ARHGAP44: variants seen among roughly 807,000 people sequenced by gnomAD.
ARHGAP44 encodes the protein rho GTPase-activating protein 44.
ARHGAP44 carries 43 observed loss-of-function variants against 106.8 expected under a neutral mutation model. The observed-to-expected ratio is 0.40, with a 90% CI of 0.32 to 0.52. The LOEUF is 0.52. Ranked by LOEUF, ARHGAP44 falls within the 20% of genes least tolerant of loss-of-function variation. The pLI is 0.48. For synonymous variants in ARHGAP44, 439 were observed against 410.3 expected (o/e 1.07, Z -0.85); for missense variants, 866 against 1,050.5 (o/e 0.82, Z 2.43).
intron 1 of ARHGAP44, among the ~76,000 whole-genome samples, chr17:12,797,595 C>T (rs1000708999): frequency 2.0e-5 from 3 of 152,116 alleles, no homozygotes; most frequent in Non-Finnish European, 4.4e-5. Context: ...CTTCTCAGCT[C>T]AGCTTCAACC....
chr17:12,976,599 C>A (rs3785714), intron 18 of ARHGAP44, among the ~76,000 whole-genome samples: 3 of 138,134 alleles, frequency 2.2e-5, no homozygotes, highest in African/African-American at 8.4e-5. Flanking sequence ...GGTGACAGAG[C>A]GAGACTCTGT....
At chr17:12,841,633 C>CAAAAAAAAAAAA (rs564355904) in intron 1 of ARHGAP44, among the ~76,000 whole-genome samples, 2 of 102,778 alleles carry the variant, frequency 1.9e-5, no homozygotes, top group African/African-American at 7.8e-5. Context: ...CACACACACA[C>CAAAAAAAAAAAA]ACACACAAAC....
intron 4 of ARHGAP44, among the ~76,000 whole-genome samples, chr17:12,915,184 A>G (rs2037870113): frequency 6.6e-6 from 1 of 152,210 alleles, no homozygotes. Flanking sequence ...GTCTACAGGC[A>G]TGTACCACCA....
chr17:12,816,237 T>C (rs2034593456), intron 1 of ARHGAP44, among the ~76,000 whole-genome samples: 1 of 152,084 alleles, frequency 6.6e-6, no homozygotes, highest in Non-Finnish European at 1.5e-5. Context: ...TGAGAAATGG[T>C]TTTCTCTGCT....
At chr17:12,896,224 A>G (rs1009427144) in intron 2 of ARHGAP44, among the ~76,000 whole-genome samples, 183 bp from the exon 3 acceptor site, 4 of 152,066 alleles carry the variant, frequency 2.6e-5, no homozygotes, top group Non-Finnish European at 4.4e-5. Context: ...AAACCTACAC[A>G]TTGTGCACAC....
At chr17:12,794,797 A>G (rs553005250) in intron 1 of ARHGAP44, among the ~76,000 whole-genome samples, 3 of 152,152 alleles carry the variant, frequency 2.0e-5, no homozygotes, top group East Asian at 1.9e-4. Context: ...GCAGAGGCCT[A>G]GGCATTAGCC....
chr17:12,989,101 CAAAAA>C (rs71144942), intron 20 of ARHGAP44, among the ~76,000 whole-genome samples: 10 of 45,164 alleles, frequency 2.2e-4, no homozygotes, highest in African/African-American at 7.7e-4. Flanking sequence ...CCACCCCCCC[CAAAAA>C]AAAAAAAAAA....
chr17:12,802,946 TATATATATA>T (rs2034146794), intron 1 of ARHGAP44, among the ~76,000 whole-genome samples: 4 of 20,324 alleles, frequency 2.0e-4, no homozygotes, highest in African/African-American at 4.7e-4. Flanking sequence ...TATATATATA[TATATATATA>T]TATATATATA....
At chr17:12,934,094 G>A (rs989155101) in intron 7 of ARHGAP44, among the ~76,000 whole-genome samples, 2 of 151,922 alleles carry the variant, frequency 1.3e-5, no homozygotes, top group Admixed American at 6.6e-5. Context: ...TGATCCACCC[G>A]CCTCAGCCTC....
chr17:12,863,126 AAAAT>A (rs1055318545), intron 1 of ARHGAP44, among the ~76,000 whole-genome samples: 11 of 151,764 alleles, frequency 7.2e-5, no homozygotes, highest in African/African-American at 2.2e-4. Context: ...CGTCTCTGTG[AAAAT>A]AAATAAATAA....
intron 1 of ARHGAP44, among the ~76,000 whole-genome samples, chr17:12,865,899 T>G (rs2036227394): frequency 6.6e-6 from 1 of 152,174 alleles, no homozygotes; most frequent in Admixed American, 6.5e-5. Context: ...TACTGTATCG[T>G]AAGTAATGAC....
intron 1 of ARHGAP44, among the ~76,000 whole-genome samples, chr17:12,849,563 T>C (rs1233049352): frequency 6.8e-5 from 10 of 147,614 alleles, no homozygotes; most frequent in Admixed American, 2.7e-4. Flanking sequence ...CTTCCTACTT[T>C]TGTCCTTTTT....
chr17:12,946,627 C>T (rs754970495), intron 10 of ARHGAP44, among the ~76,000 whole-genome samples: 5 of 151,876 alleles, frequency 3.3e-5, no homozygotes, highest in South Asian at 2.1e-4. Flanking sequence ...GGTGAAACCC[C>T]GTCTCTACTA....
chr17:12,983,956 A>G (rs2039894670), intron 19 of ARHGAP44, among the ~76,000 whole-genome samples: 1 of 152,236 alleles, frequency 6.6e-6, no homozygotes, highest in South Asian at 2.1e-4. Context: ...GGCACAGCAT[A>G]TAAAGTAATG....
chr17:12,836,165 G>A (rs1156482616), intron 1 of ARHGAP44, among the ~76,000 whole-genome samples: 1 of 152,114 alleles, frequency 6.6e-6, no homozygotes, highest in African/African-American at 2.4e-5. Context: ...TCCCAGAAGT[G>A]GGAATGACTG....
At chr17:12,936,852 A>C (rs1393727671) in intron 7 of ARHGAP44, among the ~76,000 whole-genome samples, 1 of 152,194 alleles carries the variant, frequency 6.6e-6, no homozygotes, top group Non-Finnish European at 1.5e-5. Context: ...GCCTGCATTT[A>C]GTGTTGTCAG....
At chr17:12,902,667 G>C (rs774891698) in intron 3 of ARHGAP44, among the ~76,000 whole-genome samples, 4 of 152,170 alleles carry the variant, frequency 2.6e-5, no homozygotes, top group Non-Finnish European at 5.9e-5. Context: ...TTCTGTAACA[G>C]GCAATTCTGA....
intron 16 of ARHGAP44, among the ~76,000 whole-genome samples, chr17:12,964,227 A>G (rs1015735536): frequency 6.6e-6 from 1 of 152,236 alleles, no homozygotes; most frequent in Non-Finnish European, 1.5e-5. Context: ...ATAATAAATG[A>G]AAGTAAATCT....
In ARHGAP44 at chr17:12,815,439, A is replaced by G. The variant is rs139743910; in HGVS notation, c.53+25548A>G. Among the ~76,000 whole-genome samples the G allele has an allele frequency of 1.7e-3, 261 of 152,362 alleles. 2 individuals carry two copies. Among genetic ancestry groups the G allele is most frequent in the African/African-American group, 6.1e-3 (252 of 41,588 alleles). ...AGAAAAGGCTGGAAGCGTGAATAAT[A>G]GAATATAGCACATAACAAAGAGGTA... On this transcript the variant is annotated intron_variant, in intron 1 of 20. Transcript: ENST00000379672.
Sources: gnomAD v4.1 joint callset for allele counts (sites outside exome capture counted in the v4.1 genomes callset) on GRCh38, gnomAD v4.1.1 for gene constraint, MANE v1.5 for transcripts, NCBI Gene and HGNC (gene_info 2026-07-23, HGNC 2026-07-21) for gene names.